HECW1: variants seen among roughly 807,000 people sequenced by gnomAD.
HECW1 encodes the protein HECT, C2 and WW domain containing E3 ubiquitin protein ligase 1.
HECW1 carries 61 observed loss-of-function variants against 182.3 expected under a neutral mutation model. The observed-to-expected ratio is 0.33, with a 90% CI of 0.27 to 0.41. The LOEUF (loss-of-function observed/expected upper bound fraction) is 0.41. Among genes scored for constraint, HECW1 ranks in the 10% least tolerant of loss-of-function variants. HECW1 has a pLI of 1.00. For synonymous variants in HECW1, 859 were observed against 832.6 expected (o/e 1.03, Z -0.55); for missense variants, 1,739 against 2,108.9 (o/e 0.82, Z 3.44).
At chr7:43,253,982 G>A (rs1332501669) in intron 3 of HECW1, among the ~76,000 whole-genome samples, 1 of 152,184 alleles carries the variant, frequency 6.6e-6, no homozygotes, top group Non-Finnish European at 1.5e-5. Flanking sequence ...AACAGGCTTA[G>A]AGAAGTGAGG....
chr7:43,172,443 T>C (rs2152668449), intron 2 of HECW1, among the ~76,000 whole-genome samples: 1 of 150,762 alleles, frequency 6.6e-6, no homozygotes, highest in Non-Finnish European at 1.5e-5. Context: ...TTTTTTTCAA[T>C]AAATTCTTTC....
intron 3 of HECW1, among the ~76,000 whole-genome samples, chr7:43,284,662 A>G (rs1804388600): frequency 6.6e-6 from 1 of 152,152 alleles, no homozygotes; most frequent in Non-Finnish European, 1.5e-5. Context: ...TTTCTATCTA[A>G]TGTATCCTGT....
chr7:43,163,903 C>G (rs1198177828), intron 2 of HECW1, among the ~76,000 whole-genome samples: 1 of 152,146 alleles, frequency 6.6e-6, no homozygotes, highest in Admixed American at 6.5e-5. Flanking sequence ...AGTCATTGTC[C>G]TGTTCTGGCA....
intron 16 of HECW1, among the ~76,000 whole-genome samples, chr7:43,478,710 G>A (rs1190631624): frequency 1.3e-5 from 2 of 151,506 alleles, no homozygotes; most frequent in African/African-American, 2.4e-5. Flanking sequence ...TTTGATTTGG[G>A]GTGATTTTTA....
At chr7:43,134,667 G>T (rs1428388138) in intron 2 of HECW1, among the ~76,000 whole-genome samples, 2 of 152,004 alleles carry the variant, frequency 1.3e-5, no homozygotes, top group African/African-American at 4.8e-5. Flanking sequence ...CACCATGCTG[G>T]GCTTCTGCAG....
intron 6 of HECW1, among the ~76,000 whole-genome samples, chr7:43,391,499 G>A (rs148445443): frequency 9.6e-4 from 146 of 152,328 alleles, no homozygotes; most frequent in African/African-American, 3.3e-3. Context: ...AAAATAGTGC[G>A]TATGGAAGAA....
At chr7:43,512,046 G>A (rs573337552) in intron 24 of HECW1, 8 of 217,506 alleles carry the variant, frequency 3.7e-5, no homozygotes, top group African/African-American at 1.1e-4. Flanking sequence ...CAGCGTGGGC[G>A]TAGCTGCTGC....
intron 3 of HECW1, among the ~76,000 whole-genome samples, chr7:43,285,670 G>A (rs1804553403): frequency 1.3e-5 from 2 of 151,992 alleles, no homozygotes; most frequent in Admixed American, 1.3e-4. Context: ...AAAATAGCTG[G>A]GTGTGGTGGC....
intron 24 of HECW1, among the ~76,000 whole-genome samples, chr7:43,532,063 C>T (rs2330873): frequency 0.16 from 24,273 of 152,242 alleles, 2,536 homozygotes; most frequent in Non-Finnish European, 0.24. Flanking sequence ...GCAGCACAAA[C>T]GTAATATGTC....
intron 8 of HECW1, among the ~76,000 whole-genome samples, chr7:43,429,653 T>C (rs969483289): frequency 6.6e-6 from 1 of 152,174 alleles, no homozygotes; most frequent in Admixed American, 6.5e-5. Flanking sequence ...GTCACATACA[T>C]TGCAAGGTTC....
intron 4 of HECW1, among the ~76,000 whole-genome samples, chr7:43,317,151 T>C (rs1809423298): frequency 6.6e-6 from 1 of 152,178 alleles, no homozygotes; most frequent in East Asian, 1.9e-4. Context: ...CTGTGGCTGC[T>C]ACAAGCATGG....
At chr7:43,378,469 G>A (rs2074411864) in intron 6 of HECW1, among the ~76,000 whole-genome samples, 1 of 152,218 alleles carries the variant, frequency 6.6e-6, no homozygotes, top group South Asian at 2.1e-4. Context: ...GAAAGATTCT[G>A]CATTGTCCTG....
intron 5 of HECW1, among the ~76,000 whole-genome samples, chr7:43,349,169 G>A (rs1469522292): frequency 6.6e-6 from 1 of 152,082 alleles, no homozygotes; most frequent in Non-Finnish European, 1.5e-5. Flanking sequence ...CGAGTAGTTG[G>A]GATTACAGGC....
At chr7:43,348,784 G>A (rs1814015177) in intron 5 of HECW1, among the ~76,000 whole-genome samples, 1 of 152,108 alleles carries the variant, frequency 6.6e-6, no homozygotes, top group South Asian at 2.1e-4. Flanking sequence ...TCATTCAGGA[G>A]CAGTTTATTT....
intron 2 of HECW1, among the ~76,000 whole-genome samples, chr7:43,238,380 T>G (rs1002692991): frequency 5.6e-5 from 8 of 141,924 alleles, no homozygotes; most frequent in Admixed American, 4.1e-4. Flanking sequence ...CTTTTCCCTC[T>G]GGTGCTCAGA....
chr7:43,535,822 T>C (rs967330990), intron 24 of HECW1, among the ~76,000 whole-genome samples: 1 of 152,118 alleles, frequency 6.6e-6, no homozygotes, highest in Non-Finnish European at 1.5e-5. Flanking sequence ...GGTGACAGAG[T>C]TGACTCACTT....
At chr7:43,147,859 A>G (rs558304536) in intron 2 of HECW1, among the ~76,000 whole-genome samples, 36 of 152,312 alleles carry the variant, frequency 2.4e-4, no homozygotes, top group Non-Finnish European at 5.0e-4. Context: ...ACTAGACAGC[A>G]CTTAGCATTG....
intron 3 of HECW1, among the ~76,000 whole-genome samples, chr7:43,250,262 T>C (rs764809360): frequency 1.4e-4 from 22 of 152,166 alleles, no homozygotes; most frequent in Non-Finnish European, 2.4e-4. Flanking sequence ...CCTCATGAAC[T>C]ACTCTGAATT....
At chr7:43,184,923 T>G (rs1701267600) in intron 2 of HECW1, among the ~76,000 whole-genome samples, 1 of 151,936 alleles carries the variant, frequency 6.6e-6, no homozygotes, top group African/African-American at 2.4e-5. Context: ...CCACACACCC[T>G]TAAACAATGA....
Sources: gnomAD v4.1 joint callset for allele counts (sites outside exome capture counted in the v4.1 genomes callset) on GRCh38, gnomAD v4.1.1 for gene constraint, MANE v1.5 for transcripts, NCBI Gene and HGNC (gene_info 2026-07-23, HGNC 2026-07-21) for gene names.